NEK10: variants seen among roughly 807,000 people sequenced by gnomAD.
NEK10 encodes the protein serine/threonine-protein kinase Nek10.
Under a neutral mutation model 159.8 loss-of-function variants are expected in NEK10, and 122 were observed. The observed-to-expected ratio is 0.76, with a 90% CI of 0.66 to 0.89. NEK10 has a LOEUF of 0.89. Among genes scored for constraint, NEK10 ranks in the 40% least tolerant of loss-of-function variants. NEK10 has a pLI of 0.00. For missense variants in NEK10, 1,342 were observed against 1,323.1 expected (o/e 1.01, Z -0.22); for synonymous variants, 466 against 457.1 (o/e 1.02, Z -0.25).
chr3:27,309,181 C>A (rs1432404411), intron 9 of NEK10, 176 bp from the exon 10 acceptor site: 1 of 408,184 alleles, frequency 2.4e-6, no homozygotes, highest in Non-Finnish European at 4.4e-6. Context: ...AATGTATGTG[C>A]ATATACAATT....
intron 5 of NEK10, among the ~76,000 whole-genome samples, chr3:27,334,877 C>A (rs1229007608): frequency 2.6e-5 from 4 of 152,086 alleles, no homozygotes; most frequent in African/African-American, 9.7e-5. Flanking sequence ...GATTATCCAA[C>A]AATAGATCCC....
At chr3:27,185,611 CAA>C (rs1443664274) in intron 26 of NEK10, among the ~76,000 whole-genome samples, 70 of 152,336 alleles carry the variant, frequency 4.6e-4, no homozygotes, top group African/African-American at 1.5e-3. Flanking sequence ...TCAGTCCCCA[CAA>C]TCATGTAAGC....
In NEK10 at chr3:27,109,983, AAAG is replaced by A. The variant is rs898572759; in HGVS notation, c.*1286_*1288del. The A allele has an allele frequency of 2.0e-5, 3 of 152,280 alleles. No homozygotes were observed. Among genetic ancestry groups the A allele is most frequent in the African/African-American group, 7.2e-5 (3 of 41,556 alleles). 9.4% of individuals were successfully genotyped at this position (152,280 alleles called of 1,614,324 possible). ...TAGTGTAGATTTTCATACTATACAG[AAAG>A]AAGGTTATGGTCTTTCAACCACTGT... On this transcript the variant is annotated 3_prime_UTR_variant, in exon 36 of 36. Transcript: ENST00000691995.
intron 31 of NEK10, among the ~76,000 whole-genome samples, chr3:27,137,616 C>G (rs988615836): frequency 1.3e-5 from 2 of 152,138 alleles, no homozygotes; most frequent in Non-Finnish European, 2.9e-5. Flanking sequence ...AGTCAAGCTT[C>G]CCCCAATATT....
chr3:27,113,298 G>T (rs1000645610), intron 35 of NEK10, among the ~76,000 whole-genome samples: 1 of 151,910 alleles, frequency 6.6e-6, no homozygotes, highest in African/African-American at 2.4e-5. Context: ...AGGTGTGGTG[G>T]TGGGCGCCTA....
At chr3:27,194,028 A>G (rs1433016336) in intron 25 of NEK10, 3 of 152,174 alleles carry the variant, frequency 2.0e-5, no homozygotes, top group Non-Finnish European at 4.4e-5. Context: ...ATATTTGGCC[A>G]TAGACTTTTG....
chr3:27,310,964 TGTG>T lies in NEK10; in HGVS notation c.618_620del (p.Thr207del), dbSNP rs2044646276. ...GGCCACTCACCTTGTGGGCTCCACT[TGTG>T]GTGACCCATTCTCTTTGATCTTTGA... is the stretch of plus-strand genomic sequence containing the variant. On this transcript the variant is annotated inframe_deletion, in exon 9 of 36. Coordinates refer to ENST00000691995, the MANE Select transcript of NEK10 (RefSeq NM_001394966.1). The T allele has an allele frequency of 3.7e-6, 6 of 1,609,348 alleles. No homozygotes were observed. The highest frequency in any genetic ancestry group is 5.1e-6 in the Non-Finnish European group (6 of 1,175,918).
At chr3:27,213,575 A>G (rs1951210803) in intron 23 of NEK10, among the ~76,000 whole-genome samples, 1 of 152,238 alleles carries the variant, frequency 6.6e-6, no homozygotes, top group Non-Finnish European at 1.5e-5. Context: ...CCTGTAGGCC[A>G]AGGGAATTCC....
At chr3:27,144,058 A>G (rs1944046113) in intron 30 of NEK10, among the ~76,000 whole-genome samples, 2 of 152,238 alleles carry the variant, frequency 1.3e-5, no homozygotes, top group South Asian at 4.1e-4. Flanking sequence ...GAAAATCTAT[A>G]GCAGTCTGTC....
intron 23 of NEK10, among the ~76,000 whole-genome samples, chr3:27,223,179 C>G (rs1235589361): frequency 1.3e-5 from 2 of 152,178 alleles, no homozygotes; most frequent in Non-Finnish European, 2.9e-5. Context: ...CTGGGAGCTG[C>G]ATTCTGAGCC....
chr3:27,213,268 A>G (rs1227043897), intron 23 of NEK10, among the ~76,000 whole-genome samples: 1 of 152,156 alleles, frequency 6.6e-6, no homozygotes, highest in Non-Finnish European at 1.5e-5. Flanking sequence ...TCCACTGGTA[A>G]CAAGATAAAA....
intron 5 of NEK10, among the ~76,000 whole-genome samples, chr3:27,331,570 C>G (rs149032717): frequency 6.6e-6 from 1 of 152,292 alleles, no homozygotes; most frequent in Non-Finnish European, 1.5e-5. Flanking sequence ...TCTAACCTCC[C>G]TCTGCGATGG....
intron 23 of NEK10, among the ~76,000 whole-genome samples, chr3:27,236,469 T>C (rs1367610046): frequency 2.6e-5 from 4 of 152,100 alleles, no homozygotes; most frequent in Non-Finnish European, 5.9e-5. Flanking sequence ...CCAAATATCA[T>C]ATTATCGGGG....
At chr3:27,185,893 T>C (rs1241569394) in intron 26 of NEK10, among the ~76,000 whole-genome samples, 3 of 152,178 alleles carry the variant, frequency 2.0e-5, no homozygotes, top group Admixed American at 6.5e-5. Flanking sequence ...TAATGCAAGA[T>C]ACTGAGAATG....
intron 1 of NEK10, among the ~76,000 whole-genome samples, chr3:27,365,846 CAAGTGATCCT>C (rs1454482467): frequency 1.3e-5 from 2 of 152,038 alleles, no homozygotes. Context: ...CTCCTGACCT[CAAGTGATCCT>C]CCCGCCTCGG....
At chr3:27,210,458 C>T (rs1488456610) in intron 23 of NEK10, among the ~76,000 whole-genome samples, 1 of 152,170 alleles carries the variant, frequency 6.6e-6, no homozygotes, top group African/African-American at 2.4e-5. Context: ...AATACTGCCA[C>T]ATGGGGAATT....
intron 29 of NEK10, among the ~76,000 whole-genome samples, chr3:27,168,285 T>C (rs980872616): frequency 6.6e-6 from 1 of 151,984 alleles, no homozygotes; most frequent in Admixed American, 6.6e-5. Context: ...GAAAACCCTC[T>C]ACAGGCTTGA....
chr3:27,231,014 T>C (rs1475966172), intron 23 of NEK10, among the ~76,000 whole-genome samples: 1 of 151,938 alleles, frequency 6.6e-6, no homozygotes, highest in African/African-American at 2.4e-5. Context: ...ACAAATGGAC[T>C]TAACAGGTAT....
At chr3:27,197,116 C>G (rs1400129791) in intron 25 of NEK10, among the ~76,000 whole-genome samples, 4 of 152,060 alleles carry the variant, frequency 2.6e-5, no homozygotes, top group Non-Finnish European at 5.9e-5. Context: ...TCTCATTCTA[C>G]TAGATCAGAA....
Sources: allele counts gnomAD v4.1 joint callset (sites outside exome capture counted in the v4.1 genomes callset), GRCh38; gene constraint gnomAD v4.1.1; transcripts MANE v1.5; gene names NCBI Gene and HGNC (gene_info 2026-07-23, HGNC 2026-07-21).